The following SEMA3A variants were observed in gnomAD, a reference collection of about 807,000 sequenced individuals.
The protein encoded by SEMA3A is semaphorin-3A.
In SEMA3A, 29 loss-of-function variants were observed where a neutral mutation model predicts 97.9. The ratio of observed to expected loss-of-function variants is 0.30; its 90% CI spans 0.22 to 0.40. The LOEUF (loss-of-function observed/expected upper bound fraction) is 0.40. Ranked by LOEUF, SEMA3A falls within the 10% of genes least tolerant of loss-of-function variation. SEMA3A has a pLI of 1.00. For synonymous variants in SEMA3A, 321 were observed against 323.7 expected (o/e 0.99, Z 0.09); for missense variants, 763 against 951.3 (o/e 0.80, Z 2.60).
intron 1 of SEMA3A, among the ~76,000 whole-genome samples, chr7:84,372,448 T>C (rs535354285): frequency 6.6e-6 from 1 of 152,224 alleles, no homozygotes; most frequent in South Asian, 2.1e-4. Flanking sequence ...ATAGGAATTC[T>C]GGATTCTACA....
intron 1 of SEMA3A, among the ~76,000 whole-genome samples, chr7:84,424,709 T>TG (rs1804726858): frequency 1.8e-5 from 1 of 56,416 alleles, no homozygotes; most frequent in South Asian, 6.3e-4. Flanking sequence ...TATCAATATA[T>TG]AATATATAAA....
intron 3 of SEMA3A, among the ~76,000 whole-genome samples, chr7:84,125,998 C>T (rs547923016): frequency 6.6e-6 from 1 of 152,250 alleles, no homozygotes; most frequent in Non-Finnish European, 1.5e-5. Context: ...CAATGAAACA[C>T]TGCAGTGGTC....
chr7:84,352,105 G>T (rs1330106470), intron 2 of SEMA3A, among the ~76,000 whole-genome samples: 5 of 151,066 alleles, frequency 3.3e-5, no homozygotes, highest in African/African-American at 1.2e-4. Flanking sequence ...AGGACCTTTT[G>T]TTAAGTGAAA....
At chr7:84,007,293 G>C (rs1275586141) in intron 10 of SEMA3A, 60 bp downstream of exon 10, 40 of 1,411,690 alleles carry the variant, frequency 2.8e-5, no homozygotes, top group Non-Finnish European at 3.5e-5. Context: ...TAGCTGCATT[G>C]TTTTTTGACC....
intron 2 of SEMA3A, among the ~76,000 whole-genome samples, chr7:84,315,152 G>A (rs1245775874): frequency 2.0e-5 from 3 of 151,738 alleles, no homozygotes; most frequent in Non-Finnish European, 2.9e-5. Context: ...ATTGTATCAA[G>A]TAGAAATTTA....
chr7:83,990,410 T>G (rs1441132962), intron 12 of SEMA3A, among the ~76,000 whole-genome samples: 1 of 149,384 alleles, frequency 6.7e-6, no homozygotes, highest in Non-Finnish European at 1.5e-5. Flanking sequence ...ATGTCCTGAA[T>G]GGTAATGCCT....
chr7:84,080,478 T>A (rs116370657), intron 4 of SEMA3A, among the ~76,000 whole-genome samples: 4,291 of 152,090 alleles, frequency 0.028, 91 homozygotes, highest in South Asian at 0.078. Context: ...GAAAACATAC[T>A]AAATCTTTAT....
chr7:84,255,666 A>G (rs1282788974), intron 3 of SEMA3A, among the ~76,000 whole-genome samples: 1 of 152,052 alleles, frequency 6.6e-6, no homozygotes, highest in Non-Finnish European at 1.5e-5. Flanking sequence ...CAAAAGTCTT[A>G]TGGTTTTATG....
chr7:84,349,130 C>A (rs552811962), intron 2 of SEMA3A, among the ~76,000 whole-genome samples: 4 of 152,180 alleles, frequency 2.6e-5, no homozygotes, highest in African/African-American at 9.6e-5. Flanking sequence ...TTTTGAAGCA[C>A]TTTTTTCTGT....
intron 4 of SEMA3A, among the ~76,000 whole-genome samples, chr7:84,062,285 A>G (rs1209656074): frequency 1.3e-5 from 2 of 152,190 alleles, no homozygotes; most frequent in African/African-American, 4.8e-5. Flanking sequence ...TTTCACAAAT[A>G]CGAATTTATC....
chr7:84,460,179 A>G (rs75347993), intron 1 of SEMA3A, among the ~76,000 whole-genome samples: 2,365 of 152,296 alleles, frequency 0.016, 66 homozygotes, highest in African/African-American at 0.053. Context: ...TTTTAAACCA[A>G]TGTAAAGAAA....
intron 1 of SEMA3A, among the ~76,000 whole-genome samples, chr7:84,397,780 G>A (rs764177385): frequency 1.3e-5 from 2 of 151,980 alleles, no homozygotes; most frequent in African/African-American, 2.4e-5. Context: ...AACCTTCTAG[G>A]TAAGTAGTTT....
intron 3 of SEMA3A, among the ~76,000 whole-genome samples, chr7:84,299,038 C>A (rs185978202): frequency 8.5e-4 from 130 of 152,114 alleles, no homozygotes; most frequent in African/African-American, 2.7e-3. Context: ...TTGCCAGGGG[C>A]TCTTGGGCCT....
intron 1 of SEMA3A, among the ~76,000 whole-genome samples, chr7:84,193,749 TTC>T (rs1250917622): frequency 2.0e-5 from 3 of 152,140 alleles, no homozygotes; most frequent in African/African-American, 7.2e-5. Context: ...AAGCTCTTTT[TTC>T]TCTCTTTAAT....
At chr7:84,261,493 T>C (rs920062468) in intron 3 of SEMA3A, among the ~76,000 whole-genome samples, 1 of 152,188 alleles carries the variant, frequency 6.6e-6, no homozygotes, top group Non-Finnish European at 1.5e-5. Flanking sequence ...TGGGGCTCTG[T>C]GATTTTTGGC....
intron 2 of SEMA3A, among the ~76,000 whole-genome samples, chr7:84,357,286 C>T (rs1205290996): frequency 6.7e-6 from 1 of 149,706 alleles, no homozygotes; most frequent in Middle Eastern, 3.4e-3. Flanking sequence ...CCGCCCCACC[C>T]CCCCTCCACC....
chr7:84,068,803 G>A (rs1306562261), intron 4 of SEMA3A, among the ~76,000 whole-genome samples: 2 of 152,070 alleles, frequency 1.3e-5, no homozygotes, highest in African/African-American at 2.4e-5. Flanking sequence ...AGAACTCATA[G>A]GAAGAGAGGT....
At chr7:84,486,476 A>G (rs1454044094) in intron 1 of SEMA3A, among the ~76,000 whole-genome samples, 1 of 152,194 alleles carries the variant, frequency 6.6e-6, no homozygotes. Context: ...CAAGTCTACC[A>G]AGCATATTAC....
intron 2 of SEMA3A, among the ~76,000 whole-genome samples, chr7:84,361,043 A>T (rs1373978119): frequency 6.6e-6 from 1 of 152,088 alleles, no homozygotes; most frequent in Non-Finnish European, 1.5e-5. Context: ...TCAATTTTCC[A>T]TTTTTTTCTG....
Sources: allele counts gnomAD v4.1 joint callset (sites outside exome capture counted in the v4.1 genomes callset), GRCh38; gene constraint gnomAD v4.1.1; transcripts MANE v1.5; gene names NCBI Gene and HGNC (gene_info 2026-07-23, HGNC 2026-07-21).